Variants in GRIK1 observed in about 807,000 individuals in gnomAD.
GRIK1 encodes the protein glutamate ionotropic receptor kainate type subunit 1, also known as glutamate receptor ionotropic, kainate 1.
GRIK1 carries 69 observed loss-of-function variants against 105.7 expected under a neutral mutation model. That is an observed-to-expected ratio of 0.65 (90% CI 0.54 to 0.80). GRIK1 has a LOEUF of 0.80. GRIK1 is among the 30% of genes least tolerant of loss of function. The probability of loss-of-function intolerance (pLI) is 0.00; values close to 1 mark genes in which losing one functional copy is unlikely to be tolerated. For missense variants in GRIK1, 1,109 were observed against 1,167.3 expected, an observed-to-expected ratio of 0.95 and a Z score of 0.73; for synonymous variants, 438 against 431.3, an observed-to-expected ratio of 1.02 and a Z score of -0.19.
intron 1 of GRIK1, among the ~76,000 whole-genome samples, chr21:29,932,409 A>G (rs1216554659): frequency 6.6e-6 from 1 of 152,150 alleles, no homozygotes; most frequent in Non-Finnish European, 1.5e-5. Context: ...GTTTTTAATA[A>G]GAAAAAAGTA....
intron 1 of GRIK1, among the ~76,000 whole-genome samples, chr21:29,925,923 T>C (rs1458399411): frequency 6.6e-6 from 1 of 152,170 alleles, no homozygotes; most frequent in Admixed American, 6.5e-5. Context: ...CCAGTTAAAT[T>C]AGGATAATAC....
rs77388978 is a variant in GRIK1 at position 29,712,233 on chromosome 21, A to G, written c.119-18170T>C. ...TATTTACTCAAATATAATTTTAGTG[A>G]TGTACAATATTCCACCTAAAAACAC... On this transcript the variant is annotated intron_variant, in intron 1 of 17. Coordinates refer to ENST00000327783, the MANE Select transcript of GRIK1 (RefSeq NM_001330994.2). Among the ~76,000 whole-genome samples, 248 of 152,064 alleles carry G rather than the reference A, an allele frequency of 1.6e-3. 5 individuals are homozygous for G. The East Asian group carries it at 0.043, about 26-fold the overall frequency.
At chr21:29,846,787 G>A (rs1272865811) in intron 1 of GRIK1, among the ~76,000 whole-genome samples, 3 of 151,946 alleles carry the variant, frequency 2.0e-5, no homozygotes, top group Admixed American at 6.6e-5. Context: ...ATTCTTTATA[G>A]TTTTTGGTTT....
At chr21:29,867,819 T>TGAAA (rs1229314777) in intron 1 of GRIK1, among the ~76,000 whole-genome samples, 533 of 45,964 alleles carry the variant, frequency 0.012, 7 homozygotes, top group African/African-American at 0.029. Flanking sequence ...AAAGAAAGAA[T>TGAAA]GAAAGAAAGA....
At chr21:29,814,082 T>C (rs2067085218) in intron 1 of GRIK1, among the ~76,000 whole-genome samples, 1 of 147,200 alleles carries the variant, frequency 6.8e-6, no homozygotes, top group South Asian at 2.1e-4. Flanking sequence ...ACCTGGCTAA[T>C]ATATATATAT....
intron 7 of GRIK1, among the ~76,000 whole-genome samples, chr21:29,633,844 C>A (rs2062338499): frequency 6.6e-6 from 1 of 152,070 alleles, no homozygotes. Flanking sequence ...AGCTAACTTT[C>A]AAGAGGTGCA....
At chr21:29,828,518 T>C (rs115589992) in intron 1 of GRIK1, among the ~76,000 whole-genome samples, 1,654 of 152,250 alleles carry the variant, frequency 0.011, 37 homozygotes, top group African/African-American at 0.038. Flanking sequence ...ATTTGTTTGT[T>C]TGAGACAGGG....
At chr21:29,639,705 A>C (rs2062471336) in intron 7 of GRIK1, among the ~76,000 whole-genome samples, 1 of 152,198 alleles carries the variant, frequency 6.6e-6, no homozygotes, top group African/African-American at 2.4e-5. Flanking sequence ...TAGAATTTAC[A>C]TTACTAGGTG....
At position 29,909,414 on chromosome 21, in the gene GRIK1, T is replaced by C. The variant is rs959307251; in HGVS notation, c.118+29969A>G. On this transcript the variant is annotated intron_variant, in intron 1 of 17. Coordinates refer to ENST00000327783, the MANE Select transcript of GRIK1 (RefSeq NM_001330994.2). The stretch of plus-strand genomic sequence containing the variant: ...TCTGAGAGATCTCTGGTCATTAATA[T>C]GTAATTATGTTACATTATGTTCTAC... 2.0e-5 allele frequency among the ~76,000 whole-genome samples: 3 copies of C among 151,792 alleles called. No homozygotes were observed. In the East Asian group the frequency reaches 5.8e-4, roughly 29 times the overall value.
chr21:29,907,612 T>A (rs1403781480), intron 1 of GRIK1, among the ~76,000 whole-genome samples: 1 of 152,096 alleles, frequency 6.6e-6, no homozygotes, highest in African/African-American at 2.4e-5. Context: ...AATTTCTAGT[T>A]TTTAAAATTT....
Position 29,555,072 on chromosome 21 carries a change from T to C in GRIK1, c.2587A>G (p.Lys863Glu), listed in dbSNP as rs1411880116. ...AIGEFIYKSR[K>E]NNDIEQKGKS... ...CTCACCTGTTCAATATCATTATTCT[T>C]CCGTGATTTGTATATGAATTCTCCA... Residue 863 changes from lysine (K) to glutamate (E), a missense_variant, in exon 16 of 18, where the codon AAG becomes GAG. By Grantham distance (56) the Lys-to-Glu change is moderately conservative (BLOSUM62 1). This residue lies in a region of GRIK1 where 161 missense variants were observed against 143.4 expected (regional missense o/e 1.12). Coordinates refer to ENST00000327783, the MANE Select transcript of GRIK1 (RefSeq NM_001330994.2). The C allele has an allele frequency of 1.2e-6, 2 of 1,610,982 alleles. No individual in the cohort carries two copies. Among genetic ancestry groups the C allele is most frequent in the Non-Finnish European group, 1.7e-6 (2 of 1,177,220 alleles).
chr21:29,780,269 T>C (rs2066058563), intron 1 of GRIK1, among the ~76,000 whole-genome samples: 1 of 152,226 alleles, frequency 6.6e-6, no homozygotes. Context: ...TTCAGCCATG[T>C]CCATGAGATT....
At chr21:29,826,471 T>C (rs770877789) in intron 1 of GRIK1, among the ~76,000 whole-genome samples, 21 of 152,202 alleles carry the variant, frequency 1.4e-4, no homozygotes, top group Middle Eastern at 3.4e-3. Context: ...TTGCAATCCA[T>C]TGAAGGCCTG....
At chr21:29,612,708 A>T (rs890633652) in intron 7 of GRIK1, among the ~76,000 whole-genome samples, 1 of 152,246 alleles carries the variant, frequency 6.6e-6, no homozygotes, top group African/African-American at 2.4e-5. Context: ...GAGATAAAAC[A>T]GGATAATTTA....
intron 1 of GRIK1, among the ~76,000 whole-genome samples, chr21:29,733,453 G>A (rs192883494): frequency 6.6e-6 from 1 of 151,812 alleles, no homozygotes; most frequent in African/African-American, 2.4e-5. Context: ...CCAGCTTATA[G>A]TTGAAATTTG....
At chr21:29,621,393 GGT>G (rs140835951) in intron 7 of GRIK1, among the ~76,000 whole-genome samples, 12 of 149,268 alleles carry the variant, frequency 8.0e-5, no homozygotes, top group East Asian at 2.0e-4. Context: ...GGGCCTGAGG[GGT>G]GTGTGTGTGT....
intron 1 of GRIK1, among the ~76,000 whole-genome samples, chr21:29,847,913 T>C (rs1039786040): frequency 6.6e-6 from 1 of 151,874 alleles, no homozygotes; most frequent in African/African-American, 2.4e-5. Flanking sequence ...TCTCTCTCTC[T>C]CCCTCTCTCT....
At chr21:29,553,989 C>G (rs927314248) in intron 16 of GRIK1, among the ~76,000 whole-genome samples, 10 of 152,034 alleles carry the variant, frequency 6.6e-5, no homozygotes, top group African/African-American at 2.4e-4. Context: ...GTCATAGTTG[C>G]CTTGTAATTC....
intron 1 of GRIK1, among the ~76,000 whole-genome samples, chr21:29,870,654 C>T (rs996047102): frequency 6.6e-6 from 1 of 152,104 alleles, no homozygotes; most frequent in Non-Finnish European, 1.5e-5. Flanking sequence ...CTTCTCTGAT[C>T]TGTAAGTTTC....
Sources: allele counts gnomAD v4.1 joint callset (sites outside exome capture counted in the v4.1 genomes callset), GRCh38; gene constraint gnomAD v4.1.1; regional missense constraint gnomAD v4.1.1; transcripts MANE v1.5; gene names NCBI Gene and HGNC (gene_info 2026-07-23, HGNC 2026-07-21).